Variants in SGCB observed in about 807,000 individuals in gnomAD.
The protein encoded by SGCB is sarcoglycan beta, also known as beta-sarcoglycan.
In SGCB, 25 loss-of-function variants were observed where a neutral mutation model predicts 27.3. That is an observed-to-expected ratio of 0.92 (90% CI 0.67 to 1.28). SGCB has a LOEUF of 1.28. SGCB is among the 50% of genes most tolerant of loss of function. The pLI is 0.00. For synonymous variants in SGCB, 147 were observed against 133.5 expected, an observed-to-expected ratio of 1.10 and a Z score of -0.70; for missense variants, 436 against 402.1, an observed-to-expected ratio of 1.08 and a Z score of -0.72.
chr4:52,038,292 C>T lies in SGCB; in HGVS notation c.-33G>A. 1 of 1,280,648 alleles carries T rather than the reference C, an allele frequency of 7.8e-7. No individual in the cohort carries two copies. The highest frequency in any genetic ancestry group is 9.9e-7 in the Non-Finnish European group (1 of 1,014,050). 79.3% of individuals were successfully genotyped at this position (1,280,648 alleles called of 1,614,324 possible). On this transcript the variant is annotated 5_prime_UTR_variant, in exon 1 of 6. Transcript: ENST00000381431. The stretch of plus-strand genomic sequence containing the variant: ...CGCCCGCCGCCGCCGAGCTCCCCGC[C>T]CGACTGTGCCCGCCCCTCCGCGACC...
chr4:52,038,013 C>G (rs1737442154), intron 1 of SGCB, among the ~76,000 whole-genome samples: 1 of 152,082 alleles, frequency 6.6e-6, no homozygotes, highest in Admixed American at 6.5e-5. Context: ...CGGGCCGAGC[C>G]CGAGGCCGCC....
chr4:52,029,820 C>A lies in SGCB; in HGVS notation c.287G>T (p.Gly96Val). Residue 96 changes from glycine (G) to valine (V), a missense_variant, in exon 3 of 6, where the codon GGC becomes GTC. By Grantham distance (109) the Gly-to-Val change is moderately radical. Coordinates refer to ENST00000381431, the MANE Select transcript of SGCB (RefSeq NM_000232.5). ...TTCATGAAACTCCATACTATCACAG[C>A]CATTTGGTCCAATGCGAATCACGGC... ...IWAVIRIGPN[G>V]CDSMEFHESG... The A allele has an allele frequency of 1.9e-6, 3 of 1,613,850 alleles. No individual in the cohort carries two copies. Among genetic ancestry groups the A allele is most frequent in the Non-Finnish European group, 2.5e-6 (3 of 1,179,870 alleles).
At chr4:52,028,244 A>AATC (rs1560567137) in intron 4 of SGCB, 145 bp from the exon 5 acceptor site, 1 of 669,884 alleles carries the variant, frequency 1.5e-6, no homozygotes, top group Non-Finnish European at 2.6e-6. Context: ...AAATTGAGAT[A>AATC]AAGATGACTT....
intron 1 of SGCB, 76 bp downstream of exon 1, chr4:52,038,151 G>A (rs1578129946): frequency 1.8e-6 from 2 of 1,125,166 alleles, no homozygotes; most frequent in East Asian, 4.7e-5. Context: ...CCCCGGCCAG[G>A]GCTCCCGCGG....
At chr4:52,030,554 A>T (rs534432188) in intron 2 of SGCB, among the ~76,000 whole-genome samples, 6 of 152,270 alleles carry the variant, frequency 3.9e-5, no homozygotes, top group Non-Finnish European at 7.4e-5. Flanking sequence ...TATTTCTGTA[A>T]AATCTCTCAA....
chr4:52,026,546 C>T (rs1578124432), intron 5 of SGCB, among the ~76,000 whole-genome samples: 1 of 152,116 alleles, frequency 6.6e-6, no homozygotes, highest in South Asian at 2.1e-4. Context: ...CGTAAGTCAT[C>T]GCGCCCGGCC....
intron 1 of SGCB, among the ~76,000 whole-genome samples, chr4:52,036,815 AG>A (rs1365480381): frequency 3.9e-5 from 6 of 152,212 alleles, no homozygotes; most frequent in Non-Finnish European, 8.8e-5. Context: ...CATTAAACCA[AG>A]TGCAGGTCCT....
intron 2 of SGCB, among the ~76,000 whole-genome samples, chr4:52,031,071 A>G (rs1235780895): frequency 1.3e-5 from 2 of 152,022 alleles, no homozygotes; most frequent in Non-Finnish European, 2.9e-5. Flanking sequence ...CCTCTGGAAG[A>G]TATTAGGATC....
At chr4:52,024,312 CAA>C in intron 5 of SGCB, 152 bp from the exon 6 acceptor site, 1 of 650,308 alleles carries the variant, frequency 1.5e-6, no homozygotes, top group Non-Finnish European at 2.7e-6. Flanking sequence ...CAATAAAAAA[CAA>C]AATATCAGGA....
At chr4:52,033,393 C>T in intron 2 of SGCB, 38 bp downstream of exon 2, 1 of 1,366,792 alleles carries the variant, frequency 7.3e-7, no homozygotes, top group Non-Finnish European at 1.0e-6. Context: ...AAAAAATTCC[C>T]CATGGCAATT....
rs1737452777 is a variant in SGCB at position 52,038,237 on chromosome 4, G to A, written c.23C>T (p.Ala8Val). Reference protein sequence around the residue: MAAAAAAAAEQQSSNGPV... With the variant: MAAAAAAVAEQQSSNGPV... Reference sequence around the variant, plus strand: ...GCGGTACTCACAGACCTGTTCTGCAGCCGCCGCCGCCGCTGCCGCCATCTT... The same window carrying A: ...GCGGTACTCACAGACCTGTTCTGCAACCGCCGCCGCCGCTGCCGCCATCTT... The change falls in exon 1 of 6, where the codon GCT (alanine) becomes GTT (valine). Residue 8 changes from alanine to valine, a missense_variant. Physicochemically the swap from Ala to Val is moderately conservative, Grantham distance 64 (BLOSUM62 0). Transcript: ENST00000381431. 7.9e-7 allele frequency: 1 copy of A among 1,265,182 alleles called. No individual in the cohort carries two copies. Among genetic ancestry groups the A allele is most frequent in the Non-Finnish European group, 1.0e-6 (1 of 999,904 alleles). The allele number at this position is 1,265,182 out of a possible 1,614,324, so 78.4% of individuals were successfully genotyped here.
chr4:52,027,785 T>C (rs1446509267), intron 5 of SGCB, among the ~76,000 whole-genome samples, 183 bp downstream of exon 5: 2 of 152,178 alleles, frequency 1.3e-5, no homozygotes, highest in Non-Finnish European at 2.9e-5. Flanking sequence ...TTCTGAAAAA[T>C]AAAAATAATG....
At chr4:52,025,917 G>C (rs1280333820) in intron 5 of SGCB, among the ~76,000 whole-genome samples, 3 of 152,236 alleles carry the variant, frequency 2.0e-5, no homozygotes, top group Non-Finnish European at 4.4e-5. Context: ...ATGCATGCTT[G>C]TGGGGATGGA....
chr4:52,037,528 C>T (rs1386797015), intron 1 of SGCB, among the ~76,000 whole-genome samples: 3 of 152,010 alleles, frequency 2.0e-5, no homozygotes, highest in African/African-American at 4.8e-5. Flanking sequence ...ATCACCCTAG[C>T]GATTACGTGT....
chr4:52,031,177 T>C (rs1737233782), intron 2 of SGCB, among the ~76,000 whole-genome samples: 1 of 152,216 alleles, frequency 6.6e-6, no homozygotes, highest in African/African-American at 2.4e-5. Flanking sequence ...CAATCTGTTC[T>C]AGGAAATTTT....
At chr4:52,035,443 A>T (rs1401914764) in intron 1 of SGCB, among the ~76,000 whole-genome samples, 1 of 152,120 alleles carries the variant, frequency 6.6e-6, no homozygotes, top group African/African-American at 2.4e-5. Flanking sequence ...AAATGGGGAG[A>T]AGTAGATGGG....
At chr4:52,035,786 C>G (rs114779600) in intron 1 of SGCB, among the ~76,000 whole-genome samples, 1,740 of 152,206 alleles carry the variant, frequency 0.011, 37 homozygotes, top group African/African-American at 0.036. Context: ...AAAAAAGAAC[C>G]TCAGGCTTCT....
chr4:52,036,071 A>T (rs572346046), intron 1 of SGCB, among the ~76,000 whole-genome samples: 9 of 152,382 alleles, frequency 5.9e-5, no homozygotes, highest in East Asian at 3.9e-4. Flanking sequence ...GGTGACTAAC[A>T]GTTCACAAAG....
rs1179556790 is a variant in SGCB at position 52,038,213 on chromosome 4, C to T, written c.33+14G>A. The T allele has an allele frequency of 3.2e-6, 4 of 1,243,884 alleles. No individual in the cohort carries two copies. Among genetic ancestry groups the T allele is most frequent in the South Asian group, 6.2e-5 (2 of 32,238 alleles). 77.1% of individuals were successfully genotyped at this position (1,243,884 alleles called of 1,614,324 possible). A position where few individuals can be genotyped will look rare whatever the true frequency, so the allele number is the denominator to read the frequency against. The stretch of plus-strand genomic sequence containing the variant: ...CCGCTCCTCCAGCCCGCGGCCGCGG[C>T]GGTACTCACAGACCTGTTCTGCAGC... On this transcript the variant is annotated intron_variant, in intron 1 of 5. Coordinates refer to ENST00000381431, the MANE Select transcript of SGCB (RefSeq NM_000232.5).
Sources: allele counts gnomAD v4.1 joint callset (sites outside exome capture counted in the v4.1 genomes callset), GRCh38; gene constraint gnomAD v4.1.1; transcripts MANE v1.5; gene names NCBI Gene and HGNC (gene_info 2026-07-23, HGNC 2026-07-21).